Variants in LRRC32 observed in about 807,000 individuals in gnomAD.
LRRC32 encodes the protein leucine rich repeat containing 32, also known as transforming growth factor beta activator LRRC32.
LRRC32 carries 5 observed loss-of-function variants against 15.0 expected under a neutral mutation model. The ratio of observed to expected loss-of-function variants is 0.33; its 90% CI spans 0.17 to 0.70. LRRC32 has a LOEUF of 0.70. Ranked by LOEUF, LRRC32 falls within the 30% of genes least tolerant of loss-of-function variation. The probability of loss-of-function intolerance (pLI) is 0.66; values close to 1 mark genes in which losing one functional copy is unlikely to be tolerated. For synonymous variants in LRRC32, 391 were observed against 403.9 expected (o/e 0.97, Z 0.38); for missense variants, 803 against 854.2 (o/e 0.94, Z 0.75).
chr11:76,668,658 T>C (rs1952663087), intron 1 of LRRC32, among the ~76,000 whole-genome samples: 1 of 152,228 alleles, frequency 6.6e-6, no homozygotes, highest in Admixed American at 6.5e-5. Flanking sequence ...TTATTTCTTA[T>C]CATGTGGGAA....
At chr11:76,662,394 T>G (rs1243932735) in intron 2 of LRRC32, among the ~76,000 whole-genome samples, 1 of 152,110 alleles carries the variant, frequency 6.6e-6, no homozygotes, top group African/African-American at 2.4e-5. Flanking sequence ...AGGCCCATGG[T>G]CCCATTGGTC....
In LRRC32 at chr11:76,658,945, T is replaced by C. The variant is rs901273681; in HGVS notation, c.*659A>G. ...TAACCAGACCCTGCTGGAGCCGCCG[T>C]GGCCCACCTAACAACACCAGATCCG... On this transcript the variant is annotated 3_prime_UTR_variant, in exon 3 of 3. Transcript: ENST00000260061. The C allele has an allele frequency of 1.3e-5, 2 of 153,790 alleles. No individual in the cohort carries two copies. Among genetic ancestry groups the C allele is most frequent in the African/African-American group, 4.8e-5 (2 of 41,466 alleles). 9.5% of individuals were successfully genotyped at this position (153,790 alleles called of 1,614,324 possible). A position where few individuals can be genotyped will look rare whatever the true frequency, so the allele number is the denominator to read the frequency against.
intron 2 of LRRC32, among the ~76,000 whole-genome samples, chr11:76,662,215 C>G (rs1330439385): frequency 6.6e-6 from 1 of 152,094 alleles, no homozygotes; most frequent in Non-Finnish European, 1.5e-5. Flanking sequence ...GGACCGGGCC[C>G]CTGGAGGTGG....
chr11:76,661,503 G>A lies in LRRC32; in HGVS notation c.90C>T (p.Asp30=). The A allele has an allele frequency of 6.2e-7, 1 of 1,600,128 alleles. No homozygotes were observed. The highest frequency in any genetic ancestry group is 8.5e-7 in the Non-Finnish European group (1 of 1,172,514). Residue 30 remains aspartate, a synonymous_variant, in exon 3 of 3, where the codon GAC becomes GAT. Coordinates refer to ENST00000260061, the MANE Select transcript of LRRC32 (RefSeq NM_001128922.2). ...HQDKVPCKMV[D]KKVSCQVLGL... Reference sequence around the variant, plus strand: ...CCAGAACCTGGCACGAGACCTTCTTGTCCACCTGGGGAGGGGTAGGGTGGG... The same window carrying A: ...CCAGAACCTGGCACGAGACCTTCTTATCCACCTGGGGAGGGGTAGGGTGGG...
chr11:76,667,303 G>A (rs1449021754), intron 1 of LRRC32, among the ~76,000 whole-genome samples: 2 of 152,220 alleles, frequency 1.3e-5, no homozygotes, highest in Non-Finnish European at 2.9e-5. Flanking sequence ...CGGCCCAGGT[G>A]AGTCTGGCTC....
Position 76,661,218 on chromosome 11 carries a change from G to C in LRRC32, c.375C>G (p.Arg125=). Residue 125 remains arginine (R), a synonymous_variant, in exon 3 of 3, where the codon CGC becomes CGG. Coordinates refer to ENST00000260061, the MANE Select transcript of LRRC32 (RefSeq NM_001128922.2). ...LSAGGLGPLP[R]VTSLDLSGNS... is the part of the protein sequence containing the mutation. ...TCCCAGACAGGTCCAGGGAGGTCAC[G>C]CGTGGCAGGGGGCCCAGGCCACCAG... The C allele has an allele frequency of 6.2e-7, 1 of 1,613,846 alleles. No homozygotes were observed. The highest frequency in any genetic ancestry group is 1.1e-5 in the South Asian group (1 of 91,076).
rs933747415 is a variant in LRRC32, at chr11:76,660,442, G to A, written c.1151C>T (p.Ala384Val). The A allele has an allele frequency of 1.2e-6, 2 of 1,613,794 alleles. No individual in the cohort carries two copies. Among genetic ancestry groups the A allele is most frequent in the Non-Finnish European group, 1.7e-6 (2 of 1,179,902 alleles). ...ALETLELGAR[A>V]LGSLRTLLLQ... The stretch of plus-strand genomic sequence containing the variant: ...GAGCAGCGTCCGCAGAGACCCCAGG[G>A]CTCTGGCGCCCAGTTCCAGTGTCTC... Residue 384 changes from alanine (A) to valine (V), a missense_variant, in exon 3 of 3, where the codon GCC becomes GTC. Transcript: ENST00000260061.
At chr11:76,664,776 C>T (rs929575278) in intron 2 of LRRC32, among the ~76,000 whole-genome samples, 2 of 152,226 alleles carry the variant, frequency 1.3e-5, no homozygotes, top group Non-Finnish European at 2.9e-5. Context: ...CCCTCTGAGC[C>T]TCGTCTCCCT....
intron 1 of LRRC32, among the ~76,000 whole-genome samples, chr11:76,667,387 C>T (rs538153202): frequency 6.6e-6 from 1 of 152,278 alleles, no homozygotes; most frequent in African/African-American, 2.4e-5. Flanking sequence ...TGCTGAACCG[C>T]GATTCTGAAG....
chr11:76,664,568 C>T (rs1952592949), intron 2 of LRRC32, among the ~76,000 whole-genome samples: 1 of 152,192 alleles, frequency 6.6e-6, no homozygotes, highest in African/African-American at 2.4e-5. Context: ...TAGGGAGAGG[C>T]ACCAGGCAGT....
In LRRC32 at chr11:76,665,962, T is replaced by C; in HGVS notation, c.-4-4A>G. 6.2e-7 allele frequency: 1 copy of C among 1,613,694 alleles called. No individual in the cohort carries two copies. The highest frequency in any genetic ancestry group is 1.1e-5 in the South Asian group (1 of 91,060). The stretch of plus-strand genomic sequence containing the variant: ...CAGGATCTGGGGTCTCATGGCTCTG[T>C]GTAAGGCGGAGAGGAAAGGGGAACA... On this transcript the variant is annotated splice_polypyrimidine_tract_variant and splice_region_variant and intron_variant, in intron 1 of 2. Coordinates refer to ENST00000260061, the MANE Select transcript of LRRC32 (RefSeq NM_001128922.2).
chr11:76,670,557 C>G (rs1433750256), intron 1 of LRRC32, 57 bp downstream of exon 1: 2 of 152,040 alleles, frequency 1.3e-5, no homozygotes, highest in Admixed American at 1.3e-4. Flanking sequence ...TCGCTAGAGG[C>G]GCGCGACAGT....
Position 76,659,456 on chromosome 11 carries a change from A to G in LRRC32, c.*148T>C. The G allele has an allele frequency of 1.1e-6, 1 of 870,592 alleles. No individual in the cohort carries two copies. 53.9% of individuals were successfully genotyped at this position (870,592 alleles called of 1,614,324 possible). A position where few individuals can be genotyped will look rare whatever the true frequency, so the allele number is the denominator to read the frequency against. On this transcript the variant is annotated 3_prime_UTR_variant, in exon 3 of 3. Transcript: ENST00000260061. ...AGCCCGGGAAGGGGGTCACCCACTG[A>G]TGCAGCAGGCGGCAGAGAAAGGTGT... is the stretch of plus-strand genomic sequence containing the variant.
At chr11:76,666,633 C>T (rs1177663023) in intron 1 of LRRC32, among the ~76,000 whole-genome samples, 1 of 152,342 alleles carries the variant, frequency 6.6e-6, no homozygotes, top group East Asian at 1.9e-4. Flanking sequence ...TGAAGCCACA[C>T]TCCGGCCTCC....
Position 76,660,086 on chromosome 11 carries a change from G to C in LRRC32, c.1507C>G (p.Leu503Val), listed in dbSNP as rs763731507. ...LEVLALQGNG[L>V]MVLQVDLPCF... ...GGCAGGTCCACCTGCAGGACCATCA[G>C]CCCGTTGCCCTGCAGTGCCAGGACC... The change falls in exon 3 of 3, where the codon CTG (leucine) becomes GTG (valine). Residue 503 changes from leucine to valine, a missense_variant. Leu to Val is a conservative substitution (Grantham distance 32). Coordinates refer to ENST00000260061, the MANE Select transcript of LRRC32 (RefSeq NM_001128922.2). 8 of 1,613,974 alleles carry C rather than the reference G, an allele frequency of 5.0e-6. No individual in the cohort carries two copies. Among genetic ancestry groups the C allele is most frequent in the Non-Finnish European group, 6.8e-6 (8 of 1,180,020 alleles).
At chr11:76,670,216 C>T (rs534093275) in intron 1 of LRRC32, among the ~76,000 whole-genome samples, 2 of 152,288 alleles carry the variant, frequency 1.3e-5, no homozygotes, top group South Asian at 2.1e-4. Context: ...TACCCCACTA[C>T]GAGAAATGGG....
intron 2 of LRRC32, among the ~76,000 whole-genome samples, chr11:76,661,773 A>T (rs1376834217): frequency 7.4e-6 from 1 of 134,870 alleles, no homozygotes; most frequent in East Asian, 2.0e-4. Context: ...AGATGGAGAG[A>T]TGATAGACAG....
At chr11:76,669,655 A>G (rs534153233) in intron 1 of LRRC32, 4 of 152,274 alleles carry the variant, frequency 2.6e-5, no homozygotes, top group African/African-American at 7.2e-5. Flanking sequence ...CCAGTTCTAC[A>G]TGACCTGAAT....
intron 2 of LRRC32, 125 bp from the exon 3 acceptor site, chr11:76,661,633 T>C: frequency 7.0e-7 from 1 of 1,424,524 alleles, no homozygotes; most frequent in Non-Finnish European, 9.2e-7. Flanking sequence ...CCCAGAATGC[T>C]CAACTTTCCC....
Sources: allele counts gnomAD v4.1 joint callset (sites outside exome capture counted in the v4.1 genomes callset), GRCh38; gene constraint gnomAD v4.1.1; transcripts MANE v1.5; gene names NCBI Gene and HGNC (gene_info 2026-07-23, HGNC 2026-07-21).